The following ZFHX3 variants were observed in gnomAD, a reference collection of about 807,000 sequenced individuals.
ZFHX3 encodes the protein zinc finger homeobox 3.
ZFHX3 carries 42 observed loss-of-function variants against 279.1 expected under a neutral mutation model. That is an observed-to-expected ratio of 0.15 (90% CI 0.12 to 0.19). The LOEUF (loss-of-function observed/expected upper bound fraction) is 0.19, where lower values mean the gene tolerates loss of function less well. ZFHX3 is among the 10% of genes least tolerant of loss of function. The probability of loss-of-function intolerance (pLI) is 1.00; values close to 1 mark genes in which losing one functional copy is unlikely to be tolerated. For missense variants in ZFHX3, 4,981 were observed against 4,754.0 expected (o/e 1.05, Z -1.40); for synonymous variants, 2,293 against 1,957.8 (o/e 1.17, Z -4.52).
intron 5 of ZFHX3, among the ~76,000 whole-genome samples, chr16:73,161,398 A>G (rs756446247): frequency 2.4e-4 from 37 of 152,210 alleles, no homozygotes; most frequent in Non-Finnish European, 4.3e-4. Flanking sequence ...CAGTCGCTCA[A>G]CGGTTATTGA....
chr16:72,917,231 ACCCT>A (rs1161887959), intron 3 of ZFHX3, among the ~76,000 whole-genome samples: 1 of 152,164 alleles, frequency 6.6e-6, no homozygotes, highest in Non-Finnish European at 1.5e-5. Flanking sequence ...ACAGAGCAAC[ACCCT>A]GTCTCAATAA....
At chr16:73,457,365 C>T (rs1028567600) in intron 2 of ZFHX3, among the ~76,000 whole-genome samples, 1 of 152,186 alleles carries the variant, frequency 6.6e-6, no homozygotes, top group Non-Finnish European at 1.5e-5. Context: ...GAGCGCCTGG[C>T]TTTGACTGCA....
At chr16:72,977,549 T>G (rs1348049219) in intron 1 of ZFHX3, among the ~76,000 whole-genome samples, 1 of 151,540 alleles carries the variant, frequency 6.6e-6, no homozygotes, top group Non-Finnish European at 1.5e-5. Context: ...CACTCGACTT[T>G]GAGTTGTTCC....
intron 2 of ZFHX3, among the ~76,000 whole-genome samples, chr16:73,513,449 A>G (rs975780035): frequency 6.6e-6 from 1 of 152,182 alleles, no homozygotes; most frequent in Non-Finnish European, 1.5e-5. Flanking sequence ...GTCCCAAGGT[A>G]GGAGCATTTT....
Position 73,027,893 on chromosome 16 carries a change from A to T in ZFHX3, c.-50+19859T>A, listed in dbSNP as rs182881288. 4.0e-3 allele frequency among the ~76,000 whole-genome samples: 608 copies of T among 152,222 alleles called. 19 individuals carry two copies. Among genetic ancestry groups the T allele is most frequent in the Admixed American group, 0.035 (540 of 15,302 alleles). ...CCTGTGCTCAACTAGTGTTTAATAC[A>T]CTGCCGGGTGCCTTGCACTCCTCAT... On this transcript the variant is annotated intron_variant, in intron 1 of 9. Coordinates refer to ENST00000268489, the MANE Select transcript of ZFHX3 (RefSeq NM_006885.4).
intron 4 of ZFHX3, among the ~76,000 whole-genome samples, chr16:73,273,780 T>G (rs2014219088): frequency 6.6e-6 from 1 of 152,196 alleles, no homozygotes; most frequent in South Asian, 2.1e-4. Flanking sequence ...TGTATAGGTA[T>G]TTCAGTGTAC....
At chr16:72,992,760 A>G (rs77632749) in intron 1 of ZFHX3, among the ~76,000 whole-genome samples, 117 of 152,264 alleles carry the variant, frequency 7.7e-4, no homozygotes, top group Non-Finnish European at 1.4e-3. Flanking sequence ...GAAAGGTACA[A>G]CCTCTCAAGG....
rs143041296 is a variant in ZFHX3, at chr16:73,177,076, G to T, written c.-1103-33245C>A. On this transcript the variant is annotated intron_variant, in intron 5 of 17. Coordinates refer to the ZFHX3 transcript ENST00000641206. ...AAATACTCAATGACGTGAGTTATTA[G>T]AAAAAGCCCAAATAACGATTAATTC... 2.0e-4 allele frequency among the ~76,000 whole-genome samples: 30 copies of T among 152,202 alleles called. No homozygotes were observed. In the East Asian group the frequency reaches 3.3e-3, roughly 17 times the overall value.
At chr16:73,883,297 A>T (rs1280843469) in intron 1 of ZFHX3, among the ~76,000 whole-genome samples, 1 of 152,194 alleles carries the variant, frequency 6.6e-6, no homozygotes. Context: ...TCAGCTAAAC[A>T]AAAGGAATTT....
chr16:73,145,767 G>A (rs1421438063), intron 5 of ZFHX3, among the ~76,000 whole-genome samples: 2 of 152,204 alleles, frequency 1.3e-5, no homozygotes, highest in Non-Finnish European at 2.9e-5. Flanking sequence ...CACCAACCTC[G>A]TATTGTCTGT....
rs539322760 is a variant in ZFHX3, at chr16:73,788,018, G to C, written c.-1608+103633C>G. Among the ~76,000 whole-genome samples the C allele has an allele frequency of 2.0e-5, 3 of 152,208 alleles. No homozygotes were observed. The South Asian group carries it at 6.2e-4, about 32-fold the overall frequency. On this transcript the variant is annotated intron_variant, in intron 1 of 17. Coordinates refer to the ZFHX3 transcript ENST00000641206. The stretch of plus-strand genomic sequence containing the variant: ...TTGCAGAGGTGCAAGCTGAGTTTAA[G>C]GAAACCCAGAAGGAACAGTGGAGCA...
intron 1 of ZFHX3, among the ~76,000 whole-genome samples, chr16:72,965,354 TG>T (rs1017797455): frequency 6.6e-6 from 1 of 152,040 alleles, no homozygotes; most frequent in Non-Finnish European, 1.5e-5. Context: ...TTGAGAGTGA[TG>T]GGGGTGAGGG....
At chr16:73,801,319 G>C (rs920191290) in intron 1 of ZFHX3, among the ~76,000 whole-genome samples, 4 of 152,054 alleles carry the variant, frequency 2.6e-5, no homozygotes, top group African/African-American at 9.7e-5. Context: ...CCCTAACACA[G>C]GGAATGACCA....
At chr16:73,598,893 G>C (rs1189203562) in intron 2 of ZFHX3, among the ~76,000 whole-genome samples, 4 of 152,198 alleles carry the variant, frequency 2.6e-5, no homozygotes, top group African/African-American at 9.7e-5. Flanking sequence ...CTACCGAGTA[G>C]CTGGGATTAC....
At chr16:73,076,974 C>A (rs940252130) in intron 8 of ZFHX3, among the ~76,000 whole-genome samples, 1 of 152,120 alleles carries the variant, frequency 6.6e-6, no homozygotes, top group African/African-American at 2.4e-5. Context: ...CAGATACATT[C>A]ATCAGAACTC....
chr16:73,141,364 T>A (rs2144833763), intron 6 of ZFHX3, among the ~76,000 whole-genome samples: 1 of 152,354 alleles, frequency 6.6e-6, no homozygotes, highest in Admixed American at 6.5e-5. Flanking sequence ...GACTGATCAC[T>A]TTGTGCCAAG....
chr16:73,420,780 C>T (rs1363321600), intron 3 of ZFHX3: 1 of 152,222 alleles, frequency 6.6e-6, no homozygotes, highest in Non-Finnish European at 1.5e-5. Context: ...TTCACGCTTC[C>T]ACTCAGTAGC....
chr16:73,841,708 A>G (rs1961313815), intron 1 of ZFHX3, among the ~76,000 whole-genome samples: 1 of 152,228 alleles, frequency 6.6e-6, no homozygotes, highest in African/African-American at 2.4e-5. Context: ...TCTAAAGAAT[A>G]AAGTTTCACC....
chr16:72,897,801 T>C (rs1417631893), intron 3 of ZFHX3, among the ~76,000 whole-genome samples: 1 of 152,132 alleles, frequency 6.6e-6, no homozygotes, highest in East Asian at 1.9e-4. Context: ...TTGGTTTTCA[T>C]CCTTGGAGGA....
Sources: allele counts gnomAD v4.1 joint callset (sites outside exome capture counted in the v4.1 genomes callset), GRCh38; gene constraint gnomAD v4.1.1; transcripts MANE v1.5; gene names NCBI Gene and HGNC (gene_info 2026-07-23, HGNC 2026-07-21).